The following PCDH11X variants were observed in gnomAD, a reference collection of about 807,000 sequenced individuals.
PCDH11X encodes the protein protocadherin-11 X-linked.
PCDH11X carries 18 observed loss-of-function variants against 53.3 expected under a neutral mutation model. The observed-to-expected ratio is 0.34, with a 90% confidence interval of 0.23 to 0.50. The LOEUF is 0.50. Among genes scored for constraint, PCDH11X ranks in the 20% least tolerant of loss-of-function variants. PCDH11X has a pLI of 0.98. For missense variants in PCDH11X, 570 were observed against 1,032.4 expected (o/e 0.55, Z 6.14); for synonymous variants, 279 against 393.3 (o/e 0.71, Z 3.44).
chrX:92,518,055 T>C (rs1377719736), intron 10 of PCDH11X, among the ~76,000 whole-genome samples: 4 of 106,637 alleles, frequency 3.8e-5, no homozygotes, highest in Non-Finnish European at 7.8e-5. Context: ...ATTGATGGAT[T>C]GATTTCTCTT....
intron 6 of PCDH11X, among the ~76,000 whole-genome samples, chrX:92,128,376 C>G (rs1164620512): frequency 3.3e-4 from 36 of 109,372 alleles, no homozygotes; most frequent in Non-Finnish European, 5.7e-4. Flanking sequence ...AGGACTCTTG[C>G]CTGCAATCTC....
chrX:92,410,329 T>G (rs2071617248), intron 9 of PCDH11X, among the ~76,000 whole-genome samples: 1 of 104,310 alleles, frequency 9.6e-6, no homozygotes, highest in South Asian at 4.6e-4. Flanking sequence ...TGAATCACCT[T>G]TCTTAGTGCG....
intron 5 of PCDH11X, among the ~76,000 whole-genome samples, chrX:91,845,434 T>A (rs1009845193): frequency 1.9e-5 from 2 of 107,824 alleles, no homozygotes; most frequent in Non-Finnish European, 3.8e-5. Flanking sequence ...ATGCATCATT[T>A]TCCTAGATTC....
chrX:92,336,522 C>T lies in PCDH11X; in HGVS notation c.3145-51213C>T, dbSNP rs561302092. ...GCCTTGTAAATTTCAAAACCCAAAT[C>T]TGACAACATATGAAAACTTTTTCAT... On this transcript the variant is annotated intron_variant, in intron 8 of 10. Transcript: ENST00000682573. 1.1e-4 allele frequency among the ~76,000 whole-genome samples: 12 copies of T among 111,774 alleles called. No homozygotes were observed. The South Asian group carries it at 4.1e-3, about 38-fold the overall frequency.
rs1366585927 is a variant in PCDH11X at position 91,925,186 on chromosome X, TTAACC to T, written c.3033+45916_3033+45920del. On this transcript the variant is annotated intron_variant, in intron 6 of 10. Transcript: ENST00000682573. Reference sequence around the variant, plus strand: ...ATCTCACCTAACAACACATCATAGATTAACCTAGTCTGCCTTAAACCTGCTCAGAA... The same window carrying T: ...ATCTCACCTAACAACACATCATAGATTAGTCTGCCTTAAACCTGCTCAGAA... Among the ~76,000 whole-genome samples, 5 of 111,187 alleles carry T rather than the reference TTAACC, an allele frequency of 4.5e-5. No homozygotes were observed. In the East Asian group the frequency reaches 1.4e-3, roughly 32 times the overall value.
chrX:92,599,193 T>C (rs1468412023), intron 10 of PCDH11X, among the ~76,000 whole-genome samples: 2 of 111,682 alleles, frequency 1.8e-5, no homozygotes, highest in African/African-American at 6.5e-5. Context: ...TAAAAGAATA[T>C]AATTAGATTG....
At chrX:92,503,496 CTAGA>C (rs1441726683) in intron 10 of PCDH11X, among the ~76,000 whole-genome samples, 1 of 105,978 alleles carries the variant, frequency 9.4e-6, no homozygotes, top group Non-Finnish European at 1.9e-5. Flanking sequence ...CAATGATAAA[CTAGA>C]TAAAGAAAAT....
intron 6 of PCDH11X, among the ~76,000 whole-genome samples, chrX:92,078,185 G>A (rs2063804828): frequency 9.3e-6 from 1 of 107,585 alleles, no homozygotes; most frequent in African/African-American, 3.4e-5. Context: ...CTTTTAAGAT[G>A]AAGATACTGG....
At chrX:92,237,248 A>G (rs1003972994) in intron 7 of PCDH11X, among the ~76,000 whole-genome samples, 4 of 111,277 alleles carry the variant, frequency 3.6e-5, no homozygotes, top group African/African-American at 9.7e-5. Flanking sequence ...ATTACAGAAA[A>G]TGAAATCCAT....
chrX:91,812,169 C>T (rs1463398056), intron 4 of PCDH11X, among the ~76,000 whole-genome samples: 1 of 110,357 alleles, frequency 9.1e-6, no homozygotes, highest in South Asian at 3.9e-4. Context: ...GTCACAAATA[C>T]TCATTCTCAG....
intron 4 of PCDH11X, among the ~76,000 whole-genome samples, 188 bp downstream of exon 4, chrX:91,811,483 C>G (rs1464529994): frequency 9.1e-6 from 1 of 109,405 alleles, no homozygotes; most frequent in African/African-American, 3.3e-5. Context: ...TTCCAATATA[C>G]TGATATCATG....
At chrX:92,291,928 A>G (rs1239291840) in intron 8 of PCDH11X, among the ~76,000 whole-genome samples, 1 of 111,327 alleles carries the variant, frequency 9.0e-6, no homozygotes, top group Non-Finnish European at 1.9e-5. Context: ...AGCAAAAAAT[A>G]ATTAAAATAA....
At chrX:91,866,183 T>C (rs1938979220) in intron 5 of PCDH11X, among the ~76,000 whole-genome samples, 1 of 110,510 alleles carries the variant, frequency 9.0e-6, no homozygotes, top group African/African-American at 3.3e-5. Context: ...GGTGTCTCTT[T>C]TGGAGCCATG....
intron 9 of PCDH11X, among the ~76,000 whole-genome samples, chrX:92,462,964 T>C (rs1047452134): frequency 9.0e-6 from 1 of 111,317 alleles, no homozygotes; most frequent in African/African-American, 3.3e-5. Flanking sequence ...GAAAAAATAA[T>C]GTGATCATAT....
At chrX:92,323,987 A>G (rs1034747901) in intron 8 of PCDH11X, among the ~76,000 whole-genome samples, 49 of 106,352 alleles carry the variant, frequency 4.6e-4, no homozygotes, top group Non-Finnish European at 8.7e-4. Flanking sequence ...GTTTTAGGTC[A>G]TGATCTAAGC....
chrX:92,248,198 A>C (rs780061341), intron 7 of PCDH11X, among the ~76,000 whole-genome samples: 1 of 111,314 alleles, frequency 9.0e-6, no homozygotes, highest in Non-Finnish European at 1.9e-5. Flanking sequence ...GGAAATAAAC[A>C]AGAGATGGAA....
intron 6 of PCDH11X, among the ~76,000 whole-genome samples, chrX:92,012,709 A>C (rs2062713633): frequency 9.0e-6 from 1 of 111,445 alleles, no homozygotes; most frequent in African/African-American, 3.3e-5. Context: ...TATTGGACAA[A>C]AGTCTTTTGG....
At chrX:92,395,581 A>G (rs1356020504) in intron 9 of PCDH11X, among the ~76,000 whole-genome samples, 1 of 110,922 alleles carries the variant, frequency 9.0e-6, no homozygotes, top group African/African-American at 3.3e-5. Context: ...TTCTAGGGTC[A>G]TAATTTTGTA....
intron 10 of PCDH11X, among the ~76,000 whole-genome samples, chrX:92,482,969 A>G (rs1247087193): frequency 4.6e-5 from 5 of 109,592 alleles, no homozygotes; most frequent in Non-Finnish European, 9.5e-5. Flanking sequence ...TCTGACACCA[A>G]ACATTAAACA....
Sources: gnomAD v4.1 joint callset for allele counts (sites outside exome capture counted in the v4.1 genomes callset) on GRCh38, gnomAD v4.1.1 for gene constraint, MANE v1.5 for transcripts, NCBI Gene and HGNC (gene_info 2026-07-23, HGNC 2026-07-21) for gene names.